SGCZ: variants seen among roughly 807,000 people sequenced by gnomAD.
The protein encoded by SGCZ is sarcoglycan zeta.
A neutral mutation model predicts 41.3 loss-of-function variants in SGCZ; 40 were observed. That is an observed-to-expected ratio of 0.97 (90% CI 0.75 to 1.26). The LOEUF is 1.26. Ranked by LOEUF, SGCZ falls within the 50% of genes most tolerant of loss-of-function variation. SGCZ has a pLI of 0.00. For synonymous variants in SGCZ, 206 were observed against 137.5 expected (o/e 1.50, Z -3.49); for missense variants, 552 against 369.8 (o/e 1.49, Z -4.04).
In SGCZ at chr8:15,111,994, GC is replaced by G. The variant is rs141197195; in HGVS notation, c.39+125590del. 9.1e-3 allele frequency among the ~76,000 whole-genome samples: 1,382 copies of G among 151,578 alleles called. 10 individuals are homozygous for G. Among genetic ancestry groups the G allele is most frequent in the Non-Finnish European group, 0.014 (982 of 67,960 alleles). Reference sequence around the variant, plus strand: ...TTTTGTTCAATTCTTTGTAAAACACGCCAAGAACCTGGACATACCACACTCA... The same window carrying G: ...TTTTGTTCAATTCTTTGTAAAACACGCAAGAACCTGGACATACCACACTCA... On this transcript the variant is annotated intron_variant, in intron 1 of 7. Coordinates refer to ENST00000382080, the MANE Select transcript of SGCZ (RefSeq NM_139167.4).
At chr8:15,071,257 A>T (rs182176182) in intron 1 of SGCZ, among the ~76,000 whole-genome samples, 1 of 152,346 alleles carries the variant, frequency 6.6e-6, no homozygotes, top group East Asian at 1.9e-4. Flanking sequence ...TCCTCCAGTT[A>T]GGTTTACAGG....
chr8:14,448,049 C>T (rs1263108213), intron 2 of SGCZ, among the ~76,000 whole-genome samples: 1 of 151,934 alleles, frequency 6.6e-6, no homozygotes, highest in Non-Finnish European at 1.5e-5. Context: ...ATACAAATAA[C>T]AAAAATGTGT....
chr8:15,168,466 C>A (rs576757896), intron 1 of SGCZ, among the ~76,000 whole-genome samples: 1 of 152,320 alleles, frequency 6.6e-6, no homozygotes, highest in South Asian at 2.1e-4. Flanking sequence ...CTAGCTCCCC[C>A]CACAACCCAA....
At chr8:14,519,324 A>G (rs1217382772) in intron 2 of SGCZ, among the ~76,000 whole-genome samples, 1 of 152,118 alleles carries the variant, frequency 6.6e-6, no homozygotes, top group East Asian at 1.9e-4. Context: ...AGCAGAAGTG[A>G]TAAAATACAT....
chr8:15,217,204 T>C (rs1585684063), intron 1 of SGCZ, among the ~76,000 whole-genome samples: 1 of 151,176 alleles, frequency 6.6e-6, no homozygotes, highest in African/African-American at 2.4e-5. Context: ...GATCACGAGG[T>C]CAGGAGATCG....
At chr8:14,103,110 G>T (rs1299313452) in intron 6 of SGCZ, among the ~76,000 whole-genome samples, 2 of 152,062 alleles carry the variant, frequency 1.3e-5, no homozygotes, top group African/African-American at 4.8e-5. Flanking sequence ...TCCACAGAAT[G>T]AGTGACATCA....
intron 1 of SGCZ, among the ~76,000 whole-genome samples, chr8:14,870,770 C>A (rs549377445): frequency 6.6e-6 from 1 of 150,870 alleles, no homozygotes; most frequent in Non-Finnish European, 1.5e-5. Context: ...GTGAAGAATA[C>A]GAACAGACAC....
chr8:15,113,207 C>CA (rs59453647), intron 1 of SGCZ, among the ~76,000 whole-genome samples: 3,775 of 128,074 alleles, frequency 0.029, 129 homozygotes, highest in African/African-American at 0.094. Context: ...AGACCTGGCT[C>CA]AAAAAAAAAA....
At chr8:15,156,290 T>C (rs947282774) in intron 1 of SGCZ, among the ~76,000 whole-genome samples, 2 of 152,136 alleles carry the variant, frequency 1.3e-5, no homozygotes, top group African/African-American at 4.8e-5. Context: ...AGATTGTCAC[T>C]AGGCAATCTA....
intron 5 of SGCZ, among the ~76,000 whole-genome samples, chr8:14,124,053 C>T (rs1480455620): frequency 6.6e-6 from 1 of 152,124 alleles, no homozygotes; most frequent in African/African-American, 2.4e-5. Flanking sequence ...AACAGATTGA[C>T]TCAGAAGGGA....
At chr8:14,987,660 T>G (rs1440462824) in intron 1 of SGCZ, among the ~76,000 whole-genome samples, 1 of 151,960 alleles carries the variant, frequency 6.6e-6, no homozygotes, top group African/African-American at 2.4e-5. Context: ...TGGGAAAATA[T>G]TCTTTGATCC....
intron 1 of SGCZ, among the ~76,000 whole-genome samples, chr8:14,984,752 T>G (rs1801775510): frequency 1.3e-5 from 2 of 152,204 alleles, no homozygotes; most frequent in South Asian, 4.1e-4. Flanking sequence ...CCAAGACACT[T>G]TTAATCATTG....
intron 2 of SGCZ, among the ~76,000 whole-genome samples, chr8:14,523,200 G>A (rs2117105065): frequency 6.6e-6 from 1 of 152,006 alleles, no homozygotes; most frequent in Admixed American, 6.6e-5. Flanking sequence ...ATATAATTTA[G>A]AAAACTCTAG....
At chr8:14,656,267 G>A (rs757462031) in intron 1 of SGCZ, among the ~76,000 whole-genome samples, 4 of 151,994 alleles carry the variant, frequency 2.6e-5, no homozygotes, top group African/African-American at 7.3e-5. Context: ...TATGTTGATT[G>A]TTTTAGCCAT....
At chr8:14,309,607 G>C (rs1053134862) in intron 3 of SGCZ, 88 of 1,610,672 alleles carry the variant, frequency 5.5e-5, no homozygotes, top group Non-Finnish European at 7.2e-5. Context: ...ATAGTGACTG[G>C]TTATCAGTCC....
chr8:14,785,158 C>T (rs1185219528), intron 1 of SGCZ, among the ~76,000 whole-genome samples: 7 of 150,032 alleles, frequency 4.7e-5, no homozygotes, highest in African/African-American at 1.5e-4. Context: ...AATGATAATC[C>T]CAGTGTTTTA....
At chr8:14,480,471 A>G (rs1257757603) in intron 2 of SGCZ, among the ~76,000 whole-genome samples, 1 of 152,068 alleles carries the variant, frequency 6.6e-6, no homozygotes, top group Non-Finnish European at 1.5e-5. Context: ...TTCAATGTTT[A>G]CCCTTTGCTA....
At chr8:14,474,687 C>T (rs1801308909) in intron 2 of SGCZ, among the ~76,000 whole-genome samples, 1 of 152,166 alleles carries the variant, frequency 6.6e-6, no homozygotes, top group Non-Finnish European at 1.5e-5. Context: ...ATCCTCCAAA[C>T]AACTTTGAAA....
At chr8:14,664,020 C>T (rs1221321030) in intron 1 of SGCZ, among the ~76,000 whole-genome samples, 7 of 152,084 alleles carry the variant, frequency 4.6e-5, no homozygotes, top group Non-Finnish European at 1.0e-4. Flanking sequence ...TTAACATAAT[C>T]AAAATTCACT....
Sources: allele counts gnomAD v4.1 joint callset (sites outside exome capture counted in the v4.1 genomes callset), GRCh38; gene constraint gnomAD v4.1.1; transcripts MANE v1.5; gene names NCBI Gene and HGNC (gene_info 2026-07-23, HGNC 2026-07-21).